The following TBC1D5 variants were observed in gnomAD, a reference collection of about 807,000 sequenced individuals.
TBC1D5 encodes TBC1 domain family member 5, also known as TBC1 domain family, member 5.
Under a neutral mutation model 100.3 loss-of-function variants are expected in TBC1D5, and 75 were observed. The ratio of observed to expected loss-of-function variants is 0.75; its 90% CI spans 0.62 to 0.91. TBC1D5 has a LOEUF of 0.91. Among genes scored for constraint, TBC1D5 ranks in the 40% least tolerant of loss-of-function variants. TBC1D5 has a pLI of 0.00. For missense variants in TBC1D5, 910 were observed against 942.4 expected, an observed-to-expected ratio of 0.97 and a Z score of 0.45; for synonymous variants, 323 against 325.6, an observed-to-expected ratio of 0.99 and a Z score of 0.09.
chr3:17,664,005 G>A (rs1033043593), intron 1 of TBC1D5, among the ~76,000 whole-genome samples: 3 of 151,938 alleles, frequency 2.0e-5, no homozygotes, highest in Admixed American at 6.6e-5. Context: ...AACATCTTTC[G>A]AATAAATGGA....
At chr3:17,455,348 G>GTGTA (rs2095048418) in intron 3 of TBC1D5, among the ~76,000 whole-genome samples, 1 of 129,134 alleles carries the variant, frequency 7.7e-6, no homozygotes, top group African/African-American at 3.5e-5. Flanking sequence ...ATGTATATAT[G>GTGTA]TATATGTATA....
At chr3:17,718,639 A>T (rs2075437795) in intron 1 of TBC1D5, among the ~76,000 whole-genome samples, 1 of 152,160 alleles carries the variant, frequency 6.6e-6, no homozygotes, top group African/African-American at 2.4e-5. Context: ...ACCATTTTTA[A>T]CTGTACAAAT....
chr3:17,171,863 G>C (rs2067202992), intron 19 of TBC1D5, among the ~76,000 whole-genome samples: 1 of 152,158 alleles, frequency 6.6e-6, no homozygotes, highest in Non-Finnish European at 1.5e-5. Context: ...AAAAGACAAT[G>C]CAACCTACTA....
chr3:17,721,603 TG>T (rs1480985298), intron 1 of TBC1D5, among the ~76,000 whole-genome samples: 2 of 152,048 alleles, frequency 1.3e-5, no homozygotes, highest in Non-Finnish European at 2.9e-5. Flanking sequence ...GCCTGGCTGG[TG>T]GAAGTTGCAG....
At chr3:17,205,960 T>C (rs984267187) in intron 18 of TBC1D5, among the ~76,000 whole-genome samples, 3 of 152,094 alleles carry the variant, frequency 2.0e-5, no homozygotes, top group African/African-American at 7.2e-5. Context: ...AACAACAAAT[T>C]TCCTCATTTG....
chr3:17,213,603 TA>T (rs985039125), intron 18 of TBC1D5, among the ~76,000 whole-genome samples: 6 of 151,808 alleles, frequency 4.0e-5, no homozygotes, highest in Admixed American at 3.9e-4. Flanking sequence ...CCATCTCTAA[TA>T]AAAATTCACA....
Position 17,608,484 on chromosome 3 carries a change from T to C in TBC1D5, c.-36+15365A>G, listed in dbSNP as rs1290924825. 3.3e-5 allele frequency among the ~76,000 whole-genome samples: 5 copies of C among 152,308 alleles called. No homozygotes were observed. The East Asian group carries it at 7.7e-4, about 23-fold the overall frequency. ...GATAATTCAGAAGCTTTGGTGAATATATACGTAAAAATTAGGTTCCTGATT... is the reference window on the plus strand; with the variant it reads ...GATAATTCAGAAGCTTTGGTGAATACATACGTAAAAATTAGGTTCCTGATT... On this transcript the variant is annotated intron_variant, in intron 2 of 21. Coordinates refer to ENST00000253692, the Ensembl canonical transcript of TBC1D5.
At chr3:17,471,784 T>C (rs970633183) in intron 3 of TBC1D5, among the ~76,000 whole-genome samples, 1 of 152,104 alleles carries the variant, frequency 6.6e-6, no homozygotes, top group Non-Finnish European at 1.5e-5. Flanking sequence ...ACTACATGTG[T>C]TTTTCAACCT....
chr3:17,467,995 G>A (rs1364012895), intron 3 of TBC1D5, among the ~76,000 whole-genome samples: 1 of 152,140 alleles, frequency 6.6e-6, no homozygotes, highest in East Asian at 1.9e-4. Context: ...GAAGTAAAGA[G>A]ACTAAAGAAA....
chr3:17,308,018 G>A (rs776669667), exon 14 of TBC1D5: 5 of 1,604,920 alleles, frequency 3.1e-6, no homozygotes, highest in Admixed American at 1.7e-5. Flanking sequence ...AAGTAACATG[G>A]CTACGAAGAT....
exon 22 of TBC1D5, chr3:17,160,291 C>T (rs1423924438): frequency 6.6e-6 from 1 of 152,120 alleles, no homozygotes; most frequent in African/African-American, 2.4e-5. Flanking sequence ...AAATCTAACA[C>T]TATATCACAC....
At chr3:17,494,098 G>A (rs1313417813) in intron 3 of TBC1D5, among the ~76,000 whole-genome samples, 3 of 152,252 alleles carry the variant, frequency 2.0e-5, no homozygotes, top group African/African-American at 2.4e-5. Context: ...TTTGGATGAG[G>A]TTTTTTGTTG....
chr3:17,640,963 T>TA (rs200146620), intron 1 of TBC1D5, among the ~76,000 whole-genome samples: 8,019 of 143,646 alleles, frequency 0.056, 587 homozygotes, highest in African/African-American at 0.18. Context: ...ATCTCAGCCT[T>TA]AAAAAAAAAA....
intron 13 of TBC1D5, among the ~76,000 whole-genome samples, chr3:17,349,141 T>C (rs914135417): frequency 6.6e-6 from 1 of 152,212 alleles, no homozygotes; most frequent in Non-Finnish European, 1.5e-5. Context: ...TATACATACA[T>C]GAGGAATTAA....
chr3:17,317,599 A>C (rs556209624), intron 13 of TBC1D5, among the ~76,000 whole-genome samples: 36 of 152,258 alleles, frequency 2.4e-4, no homozygotes, highest in Non-Finnish European at 4.7e-4. Flanking sequence ...ACAATCAATT[A>C]TATCTATGTG....
At chr3:17,433,237 C>T (rs189343345) in intron 3 of TBC1D5, among the ~76,000 whole-genome samples, 88 of 152,308 alleles carry the variant, frequency 5.8e-4, no homozygotes, top group African/African-American at 2.1e-3. Flanking sequence ...AAGCAGCGGA[C>T]ATGAATAGAA....
chr3:17,347,284 T>C (rs2090019338), intron 13 of TBC1D5, among the ~76,000 whole-genome samples: 1 of 152,202 alleles, frequency 6.6e-6, no homozygotes, highest in Non-Finnish European at 1.5e-5. Context: ...GCATCTGATA[T>C]CAAGCACCTG....
chr3:17,174,186 C>T (rs188396500), intron 19 of TBC1D5, among the ~76,000 whole-genome samples: 41 of 152,232 alleles, frequency 2.7e-4, no homozygotes, highest in Non-Finnish European at 4.9e-4. Flanking sequence ...TTGTTGGGTC[C>T]CTCTTGCTTT....
chr3:17,362,365 C>T (rs1370611497), intron 13 of TBC1D5, among the ~76,000 whole-genome samples: 1 of 151,940 alleles, frequency 6.6e-6, no homozygotes, highest in African/African-American at 2.4e-5. Flanking sequence ...TTTGCAAATG[C>T]AAATCTCAAA....
Sources: gnomAD v4.1 joint callset for allele counts (sites outside exome capture counted in the v4.1 genomes callset) on GRCh38, gnomAD v4.1.1 for gene constraint, MANE v1.5 for transcripts, NCBI Gene and HGNC (gene_info 2026-07-23, HGNC 2026-07-21) for gene names.